The following SLC17A8 variants were observed in gnomAD, a reference collection of about 807,000 sequenced individuals.
SLC17A8 encodes the protein vesicular glutamate transporter 3.
In SLC17A8, 31 loss-of-function variants were observed where a neutral mutation model predicts 58.0. The observed-to-expected ratio is 0.53, with a 90% CI of 0.40 to 0.72. The LOEUF (loss-of-function observed/expected upper bound fraction) is 0.72. Among genes scored for constraint, SLC17A8 ranks in the 30% least tolerant of loss-of-function variants. SLC17A8 has a pLI of 0.00. For missense variants in SLC17A8, 655 were observed against 727.8 expected (o/e 0.90, Z 1.15); for synonymous variants, 228 against 249.0 (o/e 0.92, Z 0.79).
intron 1 of SLC17A8, among the ~76,000 whole-genome samples, chr12:100,380,497 C>T (rs909451985): frequency 6.6e-6 from 1 of 151,218 alleles, no homozygotes; most frequent in African/African-American, 2.4e-5. Flanking sequence ...GTTTTAGCCA[C>T]TATAACTTAC....
At chr12:100,394,688 C>T (rs1952740431) in intron 4 of SLC17A8, among the ~76,000 whole-genome samples, 1 of 149,568 alleles carries the variant, frequency 6.7e-6, no homozygotes, top group Non-Finnish European at 1.5e-5. Context: ...CAGGTGTTAG[C>T]CACCACACCC....
At chr12:100,366,572 T>C (rs1020180858) in intron 1 of SLC17A8, among the ~76,000 whole-genome samples, 4 of 152,192 alleles carry the variant, frequency 2.6e-5, no homozygotes, top group African/African-American at 4.8e-5. Context: ...TTAATGGTGG[T>C]AGAGTCCTTT....
chr12:100,372,974 A>T (rs1952568625), intron 1 of SLC17A8, among the ~76,000 whole-genome samples: 1 of 152,180 alleles, frequency 6.6e-6, no homozygotes, highest in African/African-American at 2.4e-5. Context: ...CCTTTTCCGC[A>T]ATTAGTGGGA....
chr12:100,419,642 A>C (rs1952932685), intron 11 of SLC17A8, among the ~76,000 whole-genome samples, 173 bp from the exon 12 acceptor site: 1 of 151,984 alleles, frequency 6.6e-6, no homozygotes. Flanking sequence ...TTTCTTTTAA[A>C]TTTGGTTTGA....
chr12:100,364,904 T>C (rs1282104290), intron 1 of SLC17A8, among the ~76,000 whole-genome samples: 2 of 152,192 alleles, frequency 1.3e-5, no homozygotes, highest in Non-Finnish European at 2.9e-5. Context: ...TGGGCTGAAG[T>C]ATAGCAGCAG....
chr12:100,383,803 A>C (rs1367598368), intron 2 of SLC17A8, among the ~76,000 whole-genome samples: 24 of 151,290 alleles, frequency 1.6e-4, no homozygotes, highest in Admixed American at 1.6e-3. Context: ...TCCTGGGCTT[A>C]AGTGATCCTC....
rs1170492624 is a variant in SLC17A8 at position 100,393,469 on chromosome 12, C to T, written c.574C>T (p.Gln192Ter). ...YGCVMCVRILQGLVEGVTYPA... is the reference protein window; with the variant it reads ...YGCVMCVRIL ...ATGCGTCATGTGTGTCAGAATTCTGCAAGGTTTAGTGGAGGTAGGAGATAC... is the reference window on the plus strand; with the variant it reads ...ATGCGTCATGTGTGTCAGAATTCTGTAAGGTTTAGTGGAGGTAGGAGATAC... The change falls in exon 4 of 12, where the codon CAA (glutamine) becomes TAA (stop). Residue 192 changes from glutamine to a stop codon, truncating the protein, a stop_gained. Coordinates refer to ENST00000323346, the MANE Select transcript of SLC17A8 (RefSeq NM_139319.3). LOFTEE classifies it high-confidence loss of function. The T allele has an allele frequency of 6.2e-7, 1 of 1,612,072 alleles. No individual in the cohort carries two copies. The highest frequency in any genetic ancestry group is 2.2e-5 in the East Asian group (1 of 44,844).
chr12:100,413,918 G>A (rs574515835), intron 10 of SLC17A8, among the ~76,000 whole-genome samples: 6 of 152,032 alleles, frequency 3.9e-5, no homozygotes, highest in Non-Finnish European at 8.8e-5. Context: ...TGGAGGTTGC[G>A]GTGAGCTGAG....
chr12:100,380,571 C>T (rs1952627849), intron 1 of SLC17A8, 130 bp from the exon 2 acceptor site: 1 of 784,710 alleles, frequency 1.3e-6, no homozygotes, highest in Non-Finnish European at 2.1e-6. Flanking sequence ...AGTAATACCT[C>T]CATAGTATTC....
At chr12:100,372,756 G>T (rs1952566912) in intron 1 of SLC17A8, among the ~76,000 whole-genome samples, 1 of 151,976 alleles carries the variant, frequency 6.6e-6, no homozygotes, top group Non-Finnish European at 1.5e-5. Context: ...CTTTAGATAG[G>T]CTCTCTCTAT....
intron 2 of SLC17A8, among the ~76,000 whole-genome samples, chr12:100,388,726 T>A (rs142509798): frequency 1.3e-5 from 2 of 152,190 alleles, no homozygotes; most frequent in East Asian, 1.9e-4. Flanking sequence ...TAAGCAGTGA[T>A]GAAAATTTAT....
At position 100,421,658 on chromosome 12, in the gene SLC17A8, G is replaced by GTTTTTTTTTTTTTT. The variant is rs59689031; in HGVS notation, c.*1508_*1521dup. 68 of 109,834 alleles carry GTTTTTTTTTTTTTT rather than the reference G, an allele frequency of 6.2e-4. No homozygotes were observed. Among genetic ancestry groups the GTTTTTTTTTTTTTT allele is most frequent in the Admixed American group, 8.6e-4 (8 of 9,312 alleles). The allele number at this position is 109,834 out of a possible 1,614,324, so 6.8% of individuals were successfully genotyped here. A position where few individuals can be genotyped will look rare whatever the true frequency, so the allele number is the denominator to read the frequency against. On this transcript the variant is annotated 3_prime_UTR_variant, in exon 12 of 12. Coordinates refer to ENST00000323346, the MANE Select transcript of SLC17A8 (RefSeq NM_139319.3). Reference sequence around the variant, plus strand: ...TACTTGTAGCTTATTATTGTAAAGTGTTTTTTTTTTTTTTTTTTTTTTCTA... The same window carrying GTTTTTTTTTTTTTT: ...TACTTGTAGCTTATTATTGTAAAGTGTTTTTTTTTTTTTTTTTTTTTTTTTTTTTTTTTTTTCTA...
At chr12:100,396,133 T>TC (rs1216285691) in intron 4 of SLC17A8, among the ~76,000 whole-genome samples, 197 bp from the exon 5 acceptor site, 2 of 152,200 alleles carry the variant, frequency 1.3e-5, no homozygotes, top group Non-Finnish European at 2.9e-5. Flanking sequence ...TTCCCAAAGG[T>TC]CCATCTCCAA....
Position 100,380,707 on chromosome 12 carries a change from C to T in SLC17A8, c.108C>T (p.Ile36=), listed in dbSNP as rs1031885942. 5 of 1,613,578 alleles carry T rather than the reference C, an allele frequency of 3.1e-6. No homozygotes were observed. The African/African-American group carries it at 4.0e-5, about 13-fold the overall frequency. ...GDSLGILQRK[I]DGTTEEEDNI... ...TATCCTTTTTCCCATGTAGAAAAATCGATGGGACAACTGAGGAAGAAGATA... is the reference window on the plus strand; with the variant it reads ...TATCCTTTTTCCCATGTAGAAAAATTGATGGGACAACTGAGGAAGAAGATA... Residue 36 remains isoleucine (I), a synonymous_variant, in exon 2 of 12, where the codon ATC becomes ATT. Coordinates refer to ENST00000323346, the MANE Select transcript of SLC17A8 (RefSeq NM_139319.3).
chr12:100,377,088 G>A (rs1952599765), intron 1 of SLC17A8, among the ~76,000 whole-genome samples: 1 of 152,096 alleles, frequency 6.6e-6, no homozygotes, highest in South Asian at 2.1e-4. Context: ...GGGATTACAG[G>A]CGTGAGCTAC....
chr12:100,376,599 A>G (rs749714915), intron 1 of SLC17A8, among the ~76,000 whole-genome samples: 1 of 152,192 alleles, frequency 6.6e-6, no homozygotes, highest in Non-Finnish European at 1.5e-5. Flanking sequence ...TTTTGTGTCA[A>G]ATGGGAGTAT....
rs933923148 is a variant in SLC17A8, at chr12:100,412,693, C to A, written c.1187-77C>A. The A allele has an allele frequency of 2.7e-5, 25 of 914,858 alleles. No homozygotes were observed. The Middle Eastern group carries it at 6.5e-4, about 24-fold the overall frequency. 56.7% of individuals were successfully genotyped at this position (914,858 alleles called of 1,614,324 possible). ...AGGTCTGTGGAATTATAGGTTAGTT[C>A]TTATTTGATAAATAAATGAACTTGG... On this transcript the variant is annotated intron_variant, in intron 9 of 11. Coordinates refer to ENST00000323346, the MANE Select transcript of SLC17A8 (RefSeq NM_139319.3).
At chr12:100,409,560 G>T (rs1420722882) in intron 9 of SLC17A8, among the ~76,000 whole-genome samples, 1 of 152,110 alleles carries the variant, frequency 6.6e-6, no homozygotes, top group Non-Finnish European at 1.5e-5. Flanking sequence ...GGGAGAGGCA[G>T]AAACACAAAT....
chr12:100,419,098 A>T (rs556712911), intron 11 of SLC17A8, among the ~76,000 whole-genome samples: 1 of 152,292 alleles, frequency 6.6e-6, no homozygotes, highest in African/African-American at 2.4e-5. Context: ...AAATATTGTT[A>T]TGTATCCAAC....
Sources: gnomAD v4.1 joint callset for allele counts (sites outside exome capture counted in the v4.1 genomes callset) on GRCh38, gnomAD v4.1.1 for gene constraint, MANE v1.5 for transcripts, NCBI Gene and HGNC (gene_info 2026-07-23, HGNC 2026-07-21) for gene names.